The following SVOP variants were observed in gnomAD, a reference collection of about 807,000 sequenced individuals.
SVOP encodes the protein synaptic vesicle 2-related protein.
SVOP carries 17 observed loss-of-function variants against 69.1 expected under a neutral mutation model. The ratio of observed to expected loss-of-function variants is 0.25; its 90% confidence interval spans 0.17 to 0.37. The LOEUF is 0.37. Among genes scored for constraint, SVOP ranks in the 10% least tolerant of loss-of-function variants. SVOP has a pLI of 1.00. For missense variants in SVOP, 435 were observed against 597.5 expected, an observed-to-expected ratio of 0.73 and a Z score of 2.84; for synonymous variants, 238 against 238.6, an observed-to-expected ratio of 1.00 and a Z score of 0.02.
intron 8 of SVOP, among the ~76,000 whole-genome samples, chr12:108,939,759 C>T (rs541868559): frequency 1.3e-5 from 2 of 152,322 alleles, no homozygotes; most frequent in Non-Finnish European, 2.9e-5. Flanking sequence ...CAGACAGGGA[C>T]TACATTTCCC....
Position 109,004,410 on chromosome 12 carries a change from CT to C in SVOP, c.35+16423del, listed in dbSNP as rs34124314. ...CTGTGACTCGATTCAGGTATTGCTACTTTTTTTTTTTTTTTTTTTGAGACAG... is the reference window on the plus strand; with the variant it reads ...CTGTGACTCGATTCAGGTATTGCTACTTTTTTTTTTTTTTTTTTGAGACAG... On this transcript the variant is annotated intron_variant, in intron 1 of 15. Transcript: ENST00000610966. Among the ~76,000 whole-genome samples the C allele has an allele frequency of 6.4e-3, 770 of 120,388 alleles. 7 individuals carry two copies. Among genetic ancestry groups the C allele is most frequent in the African/African-American group, 0.019 (645 of 34,518 alleles). The allele number at this position is 120,388 out of a possible 152,430, so 79.0% of individuals were successfully genotyped here.
Position 108,911,458 on chromosome 12 carries a change from C to G in SVOP, c.*1077G>C, listed in dbSNP as rs1400795653. 2 of 152,372 alleles carry G rather than the reference C, an allele frequency of 1.3e-5. No individual in the cohort carries two copies. Among genetic ancestry groups the G allele is most frequent in the Non-Finnish European group, 2.9e-5 (2 of 68,200 alleles). 9.4% of individuals were successfully genotyped at this position (152,372 alleles called of 1,614,324 possible). A position where few individuals can be genotyped will look rare whatever the true frequency, so the allele number is the denominator to read the frequency against. ...GTGCAGTGGCTCCCACCTGTAATCT[C>G]AGCACTGTGGGAGGCCGAGGCGGGT... On this transcript the variant is annotated 3_prime_UTR_variant, in exon 16 of 16. Coordinates refer to ENST00000610966, the MANE Select transcript of SVOP (RefSeq NM_018711.5).
At chr12:109,004,117 T>G (rs977357626) in intron 1 of SVOP, among the ~76,000 whole-genome samples, 4 of 151,950 alleles carry the variant, frequency 2.6e-5, no homozygotes, top group African/African-American at 9.7e-5. Context: ...CAAGATTTCC[T>G]GAGGGGAAAA....
At chr12:108,996,072 T>C (rs2040230753) in intron 1 of SVOP, among the ~76,000 whole-genome samples, 1 of 152,162 alleles carries the variant, frequency 6.6e-6, no homozygotes, top group Non-Finnish European at 1.5e-5. Context: ...CATTATTAAA[T>C]GTGCTATAAA....
chr12:108,961,416 C>T (rs2040017209), intron 5 of SVOP, among the ~76,000 whole-genome samples: 1 of 139,350 alleles, frequency 7.2e-6, no homozygotes, highest in East Asian at 2.2e-4. Context: ...CTCTGTTTCA[C>T]ACATTCAAGA....
chr12:108,934,454 A>T (rs1449361630), intron 10 of SVOP, among the ~76,000 whole-genome samples, 183 bp from the exon 11 acceptor site: 1 of 152,156 alleles, frequency 6.6e-6, no homozygotes, highest in Non-Finnish European at 1.5e-5. Context: ...GCATCACGAT[A>T]TGATCAAAGG....
chr12:108,983,785 C>CAAGA, intron 1 of SVOP, 24 bp from the exon 2 acceptor site: 1 of 398,752 alleles, frequency 2.5e-6, no homozygotes, highest in Non-Finnish European at 4.4e-6. Flanking sequence ...CAAATCTGGT[C>CAAGA]AAGATGGCTA....
At chr12:108,919,601 TG>T in intron 13 of SVOP, 73 bp downstream of exon 13, 1 of 1,212,010 alleles carries the variant, frequency 8.3e-7, no homozygotes, top group Non-Finnish European at 1.2e-6. Context: ...CACATCTACC[TG>T]GGCCTGCACC....
At chr12:108,972,883 G>A (rs986381638) in intron 4 of SVOP, among the ~76,000 whole-genome samples, 1 of 152,224 alleles carries the variant, frequency 6.6e-6, no homozygotes, top group South Asian at 2.1e-4. Flanking sequence ...TGGCATACAG[G>A]AGGCTGGCAT....
At chr12:108,932,039 G>C (rs1453164969) in intron 11 of SVOP, among the ~76,000 whole-genome samples, 2 of 152,012 alleles carry the variant, frequency 1.3e-5, no homozygotes, top group African/African-American at 4.8e-5. Flanking sequence ...TACACACACA[G>C]AGTCTCGCTC....
intron 1 of SVOP, among the ~76,000 whole-genome samples, chr12:109,015,990 T>A (rs1035476046): frequency 6.6e-6 from 1 of 152,176 alleles, no homozygotes; most frequent in Non-Finnish European, 1.5e-5. Flanking sequence ...ATCTTCTTAG[T>A]GTTTTGCACA....
chr12:108,984,635 C>T (rs1313924297), intron 1 of SVOP, among the ~76,000 whole-genome samples: 2 of 152,216 alleles, frequency 1.3e-5, no homozygotes, highest in Non-Finnish European at 2.9e-5. Context: ...CCATGGGCCC[C>T]ACTCTTATGC....
At chr12:109,002,814 G>T (rs1302603917) in intron 1 of SVOP, among the ~76,000 whole-genome samples, 2 of 111,314 alleles carry the variant, frequency 1.8e-5, no homozygotes, top group Admixed American at 2.2e-4. Flanking sequence ...GTGGTGGGGT[G>T]GGGGGAGGGG....
intron 1 of SVOP, among the ~76,000 whole-genome samples, chr12:109,006,776 T>C (rs972275194): frequency 6.6e-6 from 1 of 151,926 alleles, no homozygotes; most frequent in Non-Finnish European, 1.5e-5. Flanking sequence ...GCCTGATTGG[T>C]TTGTATAGGA....
At chr12:108,984,816 G>A (rs2137439448) in intron 1 of SVOP, among the ~76,000 whole-genome samples, 1 of 152,242 alleles carries the variant, frequency 6.6e-6, no homozygotes, top group Admixed American at 6.5e-5. Context: ...GTGGGTTTTG[G>A]GGTTATAGCA....
chr12:109,000,230 C>T (rs1015640282), intron 1 of SVOP, among the ~76,000 whole-genome samples: 7 of 151,492 alleles, frequency 4.6e-5, no homozygotes, highest in South Asian at 4.2e-4. Flanking sequence ...ATAAATTCCT[C>T]GACACATACA....
chr12:108,919,866 A>T, intron 12 of SVOP, 80 bp from the exon 13 acceptor site: 1 of 957,110 alleles, frequency 1.0e-6, no homozygotes. Context: ...AGCCTGTATC[A>T]TCCCCTCCCC....
At chr12:108,999,282 C>T (rs1400260701) in intron 1 of SVOP, among the ~76,000 whole-genome samples, 2 of 147,254 alleles carry the variant, frequency 1.4e-5, no homozygotes, top group Admixed American at 1.4e-4. Context: ...TATATATGCA[C>T]CCAATACAGG....
chr12:108,936,824 C>T (rs201088891), intron 10 of SVOP: 1 of 174,270 alleles, frequency 5.7e-6, no homozygotes, highest in Non-Finnish European at 1.2e-5. Flanking sequence ...CTGCAAACCT[C>T]CGTCTAGTTA....
Sources: gnomAD v4.1 joint callset for allele counts (sites outside exome capture counted in the v4.1 genomes callset) on GRCh38, gnomAD v4.1.1 for gene constraint, MANE v1.5 for transcripts, NCBI Gene and HGNC (gene_info 2026-07-23, HGNC 2026-07-21) for gene names.